Variants in PARK7 observed in about 807,000 individuals in gnomAD.
PARK7 encodes the protein Parkinsonism associated deglycase.
PARK7 carries 14 observed loss-of-function variants against 20.5 expected under a neutral mutation model. That is an observed-to-expected ratio of 0.68 (90% CI 0.45 to 1.07). The LOEUF (loss-of-function observed/expected upper bound fraction) is 1.07, where lower values mean the gene tolerates loss of function less well. Among genes scored for constraint, PARK7 ranks in the 50% least tolerant of loss-of-function variants. The pLI, the probability that PARK7 is intolerant of heterozygous loss-of-function variation, is 0.00. For missense variants in PARK7, 234 were observed against 238.1 expected (o/e 0.98, Z 0.11); for synonymous variants, 98 against 84.3 (o/e 1.16, Z -0.89).
intron 6 of PARK7, among the ~76,000 whole-genome samples, chr1:7,981,966 T>C (rs1274125487): frequency 6.8e-5 from 4 of 58,882 alleles, no homozygotes; most frequent in African/African-American, 1.1e-4. Context: ...CCCCCCCGCC[T>C]TTTTTTTTTT....
chr1:7,977,546 A>G (rs1578101647), intron 5 of PARK7, 106 bp from the exon 6 acceptor site: 2 of 983,398 alleles, frequency 2.0e-6, no homozygotes, highest in East Asian at 2.5e-5. Flanking sequence ...AGGCCTCCCC[A>G]ATTGCTGGGA....
Position 7,984,338 on chromosome 1 carries a change from T to C in PARK7, c.410-556T>C, listed in dbSNP as rs1640772578. Among the ~76,000 whole-genome samples the C allele has an allele frequency of 6.6e-6, 1 of 152,152 alleles. No homozygotes were observed. Among genetic ancestry groups the C allele is most frequent in the South Asian group, 2.1e-4 (1 of 4,826 alleles). ...TTTTGGTATTATATTTGCCAAGAAA[T>C]AGCCAACCGGCGGGCCTGGAGGTGC... On this transcript the variant is annotated intron_variant, in intron 6 of 6. Coordinates refer to ENST00000338639, the MANE Select transcript of PARK7 (RefSeq NM_007262.5). This position sits in a 1 kb window ranked among gnomAD's most constrained non-coding sequence, Gnocchi z 4.3.
intron 2 of PARK7, among the ~76,000 whole-genome samples, chr1:7,963,386 C>CTT (rs34942518): frequency 1.3e-4 from 19 of 140,960 alleles, no homozygotes; most frequent in East Asian, 1.1e-3. Context: ...CTTTTTTCTT[C>CTT]TTTTTTTTTT....
chr1:7,970,195 A>G (rs542148963), intron 4 of PARK7, among the ~76,000 whole-genome samples: 1 of 152,132 alleles, frequency 6.6e-6, no homozygotes, highest in Non-Finnish European at 1.5e-5. Context: ...AACCTGTCTT[A>G]TCAGAAAAAA....
intron 5 of PARK7, among the ~76,000 whole-genome samples, chr1:7,974,612 G>T (rs1578099632): frequency 6.6e-6 from 1 of 151,060 alleles, no homozygotes; most frequent in South Asian, 2.1e-4. Context: ...CTGGGCGACA[G>T]AGTGAGACTC....
intron 5 of PARK7, among the ~76,000 whole-genome samples, chr1:7,976,620 T>C (rs189353761): frequency 3.0e-4 from 45 of 152,358 alleles, no homozygotes; most frequent in African/African-American, 1.0e-3. Context: ...CTTCACAGGC[T>C]ATCTCCTTCA....
intron 5 of PARK7, chr1:7,971,282 T>A: frequency 2.4e-6 from 1 of 408,416 alleles, no homozygotes; most frequent in Non-Finnish European, 4.6e-6. Flanking sequence ...AGAAAGTCTT[T>A]GTGCCAGCAC....
chr1:7,962,999 G>T, intron 2 of PARK7, 124 bp downstream of exon 2: 1 of 816,224 alleles, frequency 1.2e-6, no homozygotes. Context: ...TTTCAGAGAT[G>T]ACATAAGAAT....
At chr1:7,974,490 G>A (rs1331937343) in intron 5 of PARK7, among the ~76,000 whole-genome samples, 10 of 151,766 alleles carry the variant, frequency 6.6e-5, no homozygotes, top group Non-Finnish European at 1.0e-4. Context: ...TTAGCCAGGC[G>A]TGGTGGCGGG....
At position 7,977,724 on chromosome 1, in the gene PARK7, A is replaced by G. The variant is rs1640614977; in HGVS notation, c.395A>G (p.Lys132Arg). 1 of 1,613,888 alleles carries G rather than the reference A, an allele frequency of 6.2e-7. No individual in the cohort carries two copies. Reference protein sequence around the residue: ...KVTTHPLAKDKMMNGGHYTYS... With the variant: ...KVTTHPLAKDRMMNGGHYTYS... ...ACAACACACCCTCTTGCTAAAGACA[A>G]AATGATGAATGGAGGTAAGTATATG... Residue 132 changes from lysine (K) to arginine (R), a missense_variant, in exon 6 of 7, where the codon AAA (lysine) becomes AGA (arginine). Physicochemically the swap from Lys to Arg is conservative, Grantham distance 26 (BLOSUM62 2). Transcript: ENST00000338639.
intron 6 of PARK7, among the ~76,000 whole-genome samples, chr1:7,983,917 GTAAACAA>G (rs1322457107): frequency 6.6e-6 from 1 of 152,196 alleles, no homozygotes; most frequent in East Asian, 1.9e-4. Context: ...TTTTTAAAGA[GTAAACAA>G]TAAACAAGGA....
chr1:7,962,740 C>CTTTTTTTT, intron 1 of PARK7, 23 bp from the exon 2 acceptor site: 2 of 1,153,244 alleles, frequency 1.7e-6, no homozygotes, highest in African/African-American at 1.8e-5. Flanking sequence ...TTTTTGAAAT[C>CTTTTTTTT]TTTTTTTTTT....
chr1:7,965,073 G>T (rs1005991541), intron 2 of PARK7, among the ~76,000 whole-genome samples: 3 of 152,104 alleles, frequency 2.0e-5, no homozygotes, highest in Admixed American at 2.0e-4. Context: ...CAAACACAGG[G>T]CAGCTGTGTA....
At chr1:7,978,778 T>A (rs544201056) in intron 6 of PARK7, among the ~76,000 whole-genome samples, 152 of 146,836 alleles carry the variant, frequency 1.0e-3, no homozygotes, top group African/African-American at 3.8e-3. Context: ...GCCTGGGAGG[T>A]CAAAGCTATG....
intron 5 of PARK7, chr1:7,971,484 CCTCTT>C (rs1640464169): frequency 1.8e-5 from 3 of 165,266 alleles, no homozygotes; most frequent in South Asian, 3.1e-4. Context: ...TCGCAGATGT[CCTCTT>C]CTCTTTGTAC....
intron 6 of PARK7, among the ~76,000 whole-genome samples, chr1:7,979,463 A>G (rs2151437556): frequency 6.6e-6 from 1 of 152,150 alleles, no homozygotes; most frequent in East Asian, 1.9e-4. Flanking sequence ...GTTACATTTG[A>G]TCCAGAGCAG....
intron 5 of PARK7, among the ~76,000 whole-genome samples, chr1:7,976,641 G>T (rs1342947133): frequency 6.6e-6 from 1 of 152,216 alleles, no homozygotes; most frequent in Non-Finnish European, 1.5e-5. Context: ...AGGACAGTGT[G>T]CTGTCCATTT....
chr1:7,970,770 G>T (rs1640448857), intron 4 of PARK7, 124 bp from the exon 5 acceptor site: 1 of 873,056 alleles, frequency 1.1e-6, no homozygotes, highest in South Asian at 1.4e-5. Context: ...TAGAAATATT[G>T]TTGGAAAATA....
chr1:7,977,511 C>G, intron 5 of PARK7, 141 bp from the exon 6 acceptor site: 1 of 697,464 alleles, frequency 1.4e-6, no homozygotes. Context: ...TGTTGAATTC[C>G]TGGGCTCAAG....
Sources: gnomAD v4.1 joint callset for allele counts (sites outside exome capture counted in the v4.1 genomes callset) on GRCh38, gnomAD v4.1.1 for gene constraint, Gnocchi (gnomAD v3.1) non-coding constraint, MANE v1.5 for transcripts, NCBI Gene and HGNC (gene_info 2026-07-23, HGNC 2026-07-21) for gene names.